Variants in RBM33 observed in about 807,000 individuals in gnomAD.
RBM33 encodes the protein RNA binding motif protein 33, also known as RNA-binding protein 33.
A neutral mutation model predicts 132.6 loss-of-function variants in RBM33; 28 were observed. The observed-to-expected ratio is 0.21, with a 90% CI of 0.16 to 0.29. RBM33 has a LOEUF of 0.29. RBM33 is among the 10% of genes least tolerant of loss of function. RBM33 has a pLI of 1.00. For synonymous variants in RBM33, 634 were observed against 593.0 expected, an observed-to-expected ratio of 1.07 and a Z score of -1.01; for missense variants, 1,291 against 1,518.5, an observed-to-expected ratio of 0.85 and a Z score of 2.49.
intron 14 of RBM33, among the ~76,000 whole-genome samples, chr7:155,753,044 A>G (rs1329423688): frequency 6.6e-6 from 1 of 152,188 alleles, no homozygotes; most frequent in African/African-American, 2.4e-5. Flanking sequence ...TACTGTGTTA[A>G]AAATGGCAAC....
rs974966225 is a variant in RBM33 at position 155,777,970 on chromosome 7, T to G, written c.*2929T>G. 1.3e-5 allele frequency: 2 copies of G among 152,696 alleles called. No individual in the cohort carries two copies. The highest frequency in any genetic ancestry group is 1.3e-4 in the Admixed American group (2 of 15,286). 9.5% of individuals were successfully genotyped at this position (152,696 alleles called of 1,614,324 possible). A position where few individuals can be genotyped will look rare whatever the true frequency, so the allele number is the denominator to read the frequency against. On this transcript the variant is annotated 3_prime_UTR_variant, in exon 18 of 18. Transcript: ENST00000401878. ...TTCTTTTTGCATTATCTTGTTTTGG[T>G]TTTGTGCTGTAATAGAAGTTCACTT...
rs962635506 is a variant in RBM33 at position 155,701,316 on chromosome 7, C to T, written c.739+372C>T. On this transcript the variant is annotated intron_variant, in intron 6 of 17. Transcript: ENST00000401878. ...TCCCAAGACCCTGAGGTTGTCAGGG[C>T]GAATTCTGGACAAGACCGGTTTATA... is the stretch of plus-strand genomic sequence containing the variant. The T allele has an allele frequency of 1.0e-4, 34 of 324,314 alleles. No homozygotes were observed. In the Middle Eastern group the frequency reaches 3.4e-3, roughly 32 times the overall value. 20.1% of individuals were successfully genotyped at this position (324,314 alleles called of 1,614,324 possible).
chr7:155,676,779 C>G (rs1444074787), intron 3 of RBM33, among the ~76,000 whole-genome samples: 1 of 152,194 alleles, frequency 6.6e-6, no homozygotes, highest in Non-Finnish European at 1.5e-5. Context: ...CCTAGCTCTC[C>G]ATTCCAGCTT....
At chr7:155,678,721 T>A in intron 4 of RBM33, 37 bp downstream of exon 4, 1 of 1,028,582 alleles carries the variant, frequency 9.7e-7, no homozygotes, top group Non-Finnish European at 1.5e-6. Context: ...GTTCTTTATT[T>A]AACTAAATTG....
intron 6 of RBM33, chr7:155,701,190 T>C: frequency 1.8e-6 from 1 of 549,454 alleles, no homozygotes; most frequent in Non-Finnish European, 3.2e-6. Context: ...AAAATTTTTT[T>C]TTGAGTCTGT....
In RBM33 at chr7:155,741,992, A is replaced by G. The variant is rs1563171063; in HGVS notation, c.2223A>G (p.Ser741=). 1 of 1,613,990 alleles carries G rather than the reference A, an allele frequency of 6.2e-7. No individual in the cohort carries two copies. Among genetic ancestry groups the G allele is most frequent in the East Asian group, 2.2e-5 (1 of 44,880 alleles). ...SAQVKPIVSA[S]PPSRAVAGSR... is the part of the protein sequence containing the mutation. The stretch of plus-strand genomic sequence containing the variant: ...AAGTGAAACCTATCGTCAGCGCGTC[A>G]CCACCCTCGCGGGCCGTGGCGGGTT... The change falls in exon 13 of 18, where the codon TCA becomes TCG. Residue 741 remains serine (S), a synonymous_variant. Transcript: ENST00000401878.
rs190414323 is a variant in RBM33 at position 155,658,694 on chromosome 7, C to T, written c.44-6481C>T. Among the ~76,000 whole-genome samples, 656 of 152,256 alleles carry T rather than the reference C, an allele frequency of 4.3e-3. 9 individuals carry two copies. Among genetic ancestry groups the T allele is most frequent in the African/African-American group, 0.015 (621 of 41,552 alleles). ...GATTATAGGCGTGAGCCACCGCGCC[C>T]GGCTGCTTGTTTGTTTTTAATCCTC... is the stretch of plus-strand genomic sequence containing the variant. On this transcript the variant is annotated intron_variant, in intron 1 of 17. Transcript: ENST00000401878.
intron 1 of RBM33, among the ~76,000 whole-genome samples, chr7:155,653,508 G>A (rs180819350): frequency 0.01 from 1,576 of 152,000 alleles, 10 homozygotes; most frequent in South Asian, 0.023. Flanking sequence ...TTTGGGGTGG[G>A]GGCTTGTCAG....
chr7:155,741,875 G>T lies in RBM33; in HGVS notation c.2106G>T (p.Ala702=), dbSNP rs369632582. 12 of 1,613,892 alleles carry T rather than the reference G, an allele frequency of 7.4e-6. No homozygotes were observed. Among genetic ancestry groups the T allele is most frequent in the African/African-American group, 1.3e-5 (1 of 74,924 alleles). ...KRPMQQMQPT[A]PRNSNLRELP... ...CCATGCAGCAAATGCAGCCCACTGC[G>T]CCAAGGAACAGCAATTTGCGTGAAT... The change falls in exon 13 of 18, where the codon GCG becomes GCT. Residue 702 remains alanine (A), a synonymous_variant. Transcript: ENST00000401878.
intron 1 of RBM33, among the ~76,000 whole-genome samples, chr7:155,660,586 G>A (rs6955098): frequency 0.67 from 102,558 of 152,092 alleles, 34,977 homozygotes; most frequent in South Asian, 0.76. Flanking sequence ...GCCTCTGGCT[G>A]CTTCTGTTTT....
intron 3 of RBM33, among the ~76,000 whole-genome samples, chr7:155,673,940 G>GTTGTTTTTTGTTTTTTTTTTTTTTT: frequency 3.7e-5 from 2 of 54,214 alleles, no homozygotes; most frequent in African/African-American, 1.7e-4. Flanking sequence ...TTTAGGCTTA[G>GTTGTTTTTTGTTTTTTTTTTTTTTT]TTTTTTTTTT....
intron 5 of RBM33, among the ~76,000 whole-genome samples, chr7:155,688,964 T>C (rs1341366932): frequency 6.6e-6 from 1 of 152,226 alleles, no homozygotes; most frequent in Non-Finnish European, 1.5e-5. Context: ...CAGGCTTTGG[T>C]ATCAGGATGA....
intron 8 of RBM33, among the ~76,000 whole-genome samples, chr7:155,715,545 A>G (rs1339691526): frequency 6.6e-6 from 1 of 152,196 alleles, no homozygotes; most frequent in East Asian, 1.9e-4. Context: ...TGATTTAGCA[A>G]CTACTCCAAG....
In RBM33 at chr7:155,680,897, G is replaced by T; in HGVS notation, c.556G>T (p.Asp186Tyr). 1 of 1,613,074 alleles carries T rather than the reference G, an allele frequency of 6.2e-7. No homozygotes were observed. Reference protein sequence around the residue: ...VLDIEINEPLDEFTGGMETLE... With the variant: ...VLDIEINEPLYEFTGGMETLE... ...AGACATCGAGATCAATGAACCTTTA[G>T]ATGAATTTACAGTGAGTCTTTTCTC... Residue 186 changes from aspartate to tyrosine, a missense_variant, in exon 5 of 18, where the codon GAT becomes TAT. Physicochemically the swap from Asp to Tyr is radical, Grantham distance 160. Around this residue, in one of 7 missense-constraint regions of RBM33, gnomAD observed 194 missense variants for 249.8 expected, o/e 0.78. Transcript: ENST00000401878.
chr7:155,773,602 AG>A, intron 16 of RBM33, among the ~76,000 whole-genome samples: 1 of 142,120 alleles, frequency 7.0e-6, no homozygotes. Flanking sequence ...AAAAGGAGTC[AG>A]GGGCTCCTGT....
At chr7:155,693,388 GT>G (rs1386879809) in intron 5 of RBM33, among the ~76,000 whole-genome samples, 1 of 147,150 alleles carries the variant, frequency 6.8e-6, no homozygotes, top group Non-Finnish European at 1.5e-5. Flanking sequence ...CCTAAGGGTT[GT>G]TTTCAGTATG....
intron 1 of RBM33, among the ~76,000 whole-genome samples, chr7:155,648,327 A>T (rs1465914439): frequency 6.6e-6 from 1 of 152,224 alleles, no homozygotes; most frequent in Non-Finnish European, 1.5e-5. Context: ...TTTACATTTG[A>T]TAGTAAACTA....
At chr7:155,759,717 A>C (rs866496491) in intron 14 of RBM33, among the ~76,000 whole-genome samples, 2 of 152,324 alleles carry the variant, frequency 1.3e-5, no homozygotes, top group Middle Eastern at 6.8e-3. Context: ...CTACAGTGTT[A>C]TGTGTTTATC....
intron 12 of RBM33, among the ~76,000 whole-genome samples, chr7:155,741,129 G>A (rs1337504209): frequency 1.3e-5 from 2 of 152,108 alleles, no homozygotes; most frequent in Non-Finnish European, 2.9e-5. Flanking sequence ...TATAACCTGG[G>A]TTTCATTTGT....
Sources: allele counts gnomAD v4.1 joint callset (sites outside exome capture counted in the v4.1 genomes callset), GRCh38; gene constraint gnomAD v4.1.1; regional missense constraint gnomAD v4.1.1; transcripts MANE v1.5; gene names NCBI Gene and HGNC (gene_info 2026-07-23, HGNC 2026-07-21).